EFHB: variants seen among roughly 807,000 people sequenced by gnomAD.
The protein encoded by EFHB is EF-hand domain family member B.
A neutral mutation model predicts 87.2 loss-of-function variants in EFHB; 91 were observed. The observed-to-expected ratio is 1.04, with a 90% CI of 0.88 to 1.24. The LOEUF (loss-of-function observed/expected upper bound fraction) is 1.24. Among genes scored for constraint, EFHB ranks in the 50% most tolerant of loss-of-function variants. The pLI is 0.00. For synonymous variants in EFHB, 325 were observed against 333.6 expected (o/e 0.97, Z 0.28); for missense variants, 1,084 against 998.8 (o/e 1.09, Z -1.15).
At chr3:19,927,067 G>A (rs1695657156) in intron 1 of EFHB, among the ~76,000 whole-genome samples, 1 of 152,108 alleles carries the variant, frequency 6.6e-6, no homozygotes, top group Non-Finnish European at 1.5e-5. Flanking sequence ...ATGTTATCAT[G>A]GACACTATAA....
chr3:19,939,306 G>A (rs1336000593), intron 1 of EFHB, among the ~76,000 whole-genome samples: 1 of 142,628 alleles, frequency 7.0e-6, no homozygotes, highest in African/African-American at 2.6e-5. Context: ...TGCTCTTCAA[G>A]ACTCAACCCA....
chr3:19,899,351 G>T, intron 7 of EFHB, 81 bp downstream of exon 7: 1 of 909,514 alleles, frequency 1.1e-6, no homozygotes. Context: ...GAATCTAATA[G>T]GCACACCAAC....
chr3:19,933,125 T>C, intron 1 of EFHB, 105 bp downstream of exon 1: 4 of 1,337,940 alleles, frequency 3.0e-6, no homozygotes, highest in Non-Finnish European at 4.0e-6. Context: ...ATAAAATCCT[T>C]GTGATTTGTC....
rs532014840 is a variant in EFHB at position 19,903,641 on chromosome 3, A to C, written c.1418+1979T>G. Among the ~76,000 whole-genome samples, 35 of 152,346 alleles carry C rather than the reference A, an allele frequency of 2.3e-4. No homozygotes were observed. In the South Asian group the frequency reaches 5.2e-3, roughly 23 times the overall value. On this transcript the variant is annotated intron_variant, in intron 6 of 12. Transcript: ENST00000295824. ...AATAAAAACTATCTCATACAGGGTT[A>C]CTATGATACTGTAAAAATTTATTTT... is the stretch of plus-strand genomic sequence containing the variant.
chr3:19,920,108 A>C (rs544421164), intron 2 of EFHB, 132 bp from the exon 3 acceptor site: 1 of 887,838 alleles, frequency 1.1e-6, no homozygotes. Flanking sequence ...ACAGCCCCAA[A>C]TAATGAACAT....
chr3:19,944,733 G>A (rs1559481969), intron 1 of EFHB, among the ~76,000 whole-genome samples: 1 of 149,178 alleles, frequency 6.7e-6, no homozygotes, highest in Non-Finnish European at 1.5e-5. Context: ...ATGAAATAGG[G>A]AGTTTTTTGC....
At chr3:19,910,795 A>G (rs1292062555) in intron 5 of EFHB, among the ~76,000 whole-genome samples, 2 of 152,236 alleles carry the variant, frequency 1.3e-5, no homozygotes, top group East Asian at 3.9e-4. Context: ...GGAAAAGAAC[A>G]TGAGCCTCTG....
chr3:19,940,362 T>C (rs1696128936), intron 1 of EFHB: 2 of 394,404 alleles, frequency 5.1e-6, no homozygotes, highest in Non-Finnish European at 1.0e-5. Context: ...GCTAGAGCTT[T>C]GTAATGATGG....
intron 1 of EFHB, among the ~76,000 whole-genome samples, chr3:19,943,594 A>C (rs564037844): frequency 6.6e-6 from 1 of 152,370 alleles, no homozygotes; most frequent in South Asian, 2.1e-4. Context: ...AATTAAAAAA[A>C]TACAACTATT....
At chr3:19,907,158 C>T (rs952428702) in intron 5 of EFHB, among the ~76,000 whole-genome samples, 2 of 151,554 alleles carry the variant, frequency 1.3e-5, no homozygotes, top group Non-Finnish European at 2.9e-5. Context: ...TACAAAAGCT[C>T]AGACTACAAA....
At chr3:19,895,998 A>G (rs557454288) in intron 9 of EFHB, among the ~76,000 whole-genome samples, 4 of 152,336 alleles carry the variant, frequency 2.6e-5, no homozygotes, top group African/African-American at 4.8e-5. Context: ...AATTTAGAGT[A>G]GCTTGAACAT....
intron 11 of EFHB, 157 bp downstream of exon 11, chr3:19,884,246 T>A: frequency 3.1e-6 from 2 of 643,256 alleles, no homozygotes; most frequent in Non-Finnish European, 5.3e-6. Flanking sequence ...AACATTTATA[T>A]GTGGGCCTCT....
chr3:19,920,046 C>T lies in EFHB; in HGVS notation c.853-70G>A. ...AAAATATTAACAGGACTGATCTATA[C>T]CAATCAACCAACAACCTTAAGTGCA... On this transcript the variant is annotated intron_variant, in intron 2 of 12. Transcript: ENST00000295824. The T allele has an allele frequency of 2.0e-6, 3 of 1,526,004 alleles. No individual in the cohort carries two copies. The Admixed American group carries it at 5.5e-5, about 28-fold the overall frequency. The allele number at this position is 1,526,004 out of a possible 1,614,324, so 94.5% of individuals were successfully genotyped here. A position where few individuals can be genotyped will look rare whatever the true frequency, so the allele number is the denominator to read the frequency against.
chr3:19,936,736 C>A (rs1696031191), upstream of EFHB, among the ~76,000 whole-genome samples: 1 of 151,594 alleles, frequency 6.6e-6, no homozygotes, highest in Admixed American at 6.6e-5. Flanking sequence ...GACATGGTGG[C>A]CAGCACTTGT....
intron 6 of EFHB, among the ~76,000 whole-genome samples, chr3:19,903,084 C>T (rs1038584694): frequency 3.3e-5 from 5 of 150,956 alleles, no homozygotes; most frequent in African/African-American, 9.8e-5. Context: ...GGCTGAGGCA[C>T]GAGAATTGCT....
intron 5 of EFHB, among the ~76,000 whole-genome samples, chr3:19,908,408 C>T (rs1193199739): frequency 6.6e-6 from 1 of 151,892 alleles, no homozygotes; most frequent in Non-Finnish European, 1.5e-5. Context: ...TGGCGGGCGC[C>T]TGTAATCCCA....
intron 5 of EFHB, 46 bp downstream of exon 5, chr3:19,915,257 G>T: frequency 7.8e-7 from 1 of 1,274,740 alleles, no homozygotes; most frequent in South Asian, 1.3e-5. Flanking sequence ...TCACAAATCC[G>T]AGAGTCCCAT....
intron 1 of EFHB, 62 bp downstream of exon 1, chr3:19,933,168 C>T: frequency 6.7e-7 from 1 of 1,483,200 alleles, no homozygotes; most frequent in East Asian, 2.4e-5. Context: ...ATCACTTTAT[C>T]ATCTCAATAA....
intron 5 of EFHB, among the ~76,000 whole-genome samples, chr3:19,910,298 T>C (rs528247014): frequency 4.5e-4 from 69 of 152,102 alleles, no homozygotes; most frequent in South Asian, 1.7e-3. Flanking sequence ...TAAGAGAACA[T>C]TGGTGGTAGT....
Sources: allele counts gnomAD v4.1 joint callset (sites outside exome capture counted in the v4.1 genomes callset), GRCh38; gene constraint gnomAD v4.1.1; transcripts MANE v1.5; gene names NCBI Gene and HGNC (gene_info 2026-07-23, HGNC 2026-07-21).